SNAP23: variants seen among roughly 807,000 people sequenced by gnomAD.
SNAP23 encodes the protein synaptosomal-associated protein 23.
Under a neutral mutation model 29.0 loss-of-function variants are expected in SNAP23, and 11 were observed. That is an observed-to-expected ratio of 0.38 (90% CI 0.24 to 0.63). SNAP23 has a LOEUF of 0.63. Among genes scored for constraint, SNAP23 ranks in the 20% least tolerant of loss-of-function variants. The probability of loss-of-function intolerance (pLI) is 0.58; values close to 1 mark genes in which losing one functional copy is unlikely to be tolerated. For missense variants in SNAP23, 220 were observed against 253.9 expected (o/e 0.87, Z 0.91); for synonymous variants, 60 against 82.9 (o/e 0.72, Z 1.50).
rs1163801630 is a variant in SNAP23 at position 42,518,432 on chromosome 15, CT to C, written c.266+3096del. On this transcript the variant is annotated intron_variant, in intron 5 of 7. Transcript: ENST00000249647. Reference sequence around the variant, plus strand: ...TGGAAATACTTTTTCTTTTCTTTCTCTTTTTTTTTTTTTTTTTTCTCGAGAC... The same window carrying C: ...TGGAAATACTTTTTCTTTTCTTTCTCTTTTTTTTTTTTTTTTTCTCGAGAC... Among the ~76,000 whole-genome samples the C allele has an allele frequency of 6.1e-3, 783 of 128,650 alleles. 3 individuals are homozygous for C. The highest frequency in any genetic ancestry group is 0.024 in the African/African-American group (665 of 27,550). The allele number at this position is 128,650 out of a possible 152,430, so 84.4% of individuals were successfully genotyped here.
At chr15:42,509,181 G>C (rs1180688939) in intron 1 of SNAP23, among the ~76,000 whole-genome samples, 1 of 152,158 alleles carries the variant, frequency 6.6e-6, no homozygotes, top group African/African-American at 2.4e-5. Context: ...AAATAGGAAA[G>C]AGTGACAAAA....
chr15:42,517,006 A>AC (rs958845938), intron 5 of SNAP23, among the ~76,000 whole-genome samples: 3 of 150,758 alleles, frequency 2.0e-5, no homozygotes, highest in South Asian at 2.1e-4. Context: ...TGCAACTTCC[A>AC]CCTCACGGGT....
intron 5 of SNAP23, among the ~76,000 whole-genome samples, chr15:42,525,823 CTA>C (rs1566819739): frequency 6.6e-6 from 1 of 152,054 alleles, no homozygotes; most frequent in Non-Finnish European, 1.5e-5. Context: ...TGTTTATAGA[CTA>C]TGTTTCAATT....
chr15:42,498,390 C>T (rs891152002), intron 1 of SNAP23, among the ~76,000 whole-genome samples: 4 of 152,196 alleles, frequency 2.6e-5, no homozygotes, highest in Admixed American at 2.0e-4. Flanking sequence ...TTCTGTGCAC[C>T]TGCAGGCCCA....
intron 5 of SNAP23, among the ~76,000 whole-genome samples, chr15:42,525,955 G>T (rs972461983): frequency 1.3e-5 from 2 of 152,150 alleles, no homozygotes; most frequent in Non-Finnish European, 2.9e-5. Flanking sequence ...GCCTCTTAAT[G>T]TTGGGAAGGA....
At chr15:42,529,926 C>A in intron 7 of SNAP23, 107 bp downstream of exon 7, 1 of 1,201,946 alleles carries the variant, frequency 8.3e-7, no homozygotes. Flanking sequence ...AAGCTCCTGT[C>A]CTCATAGGTC....
At chr15:42,496,978 TC>T (rs2057224613) in intron 1 of SNAP23, among the ~76,000 whole-genome samples, 1 of 151,834 alleles carries the variant, frequency 6.6e-6, no homozygotes, top group Admixed American at 6.6e-5. Context: ...CTCACCAGAT[TC>T]GAGATGAGAT....
intron 5 of SNAP23, among the ~76,000 whole-genome samples, chr15:42,517,624 A>G (rs1245786001): frequency 6.6e-6 from 1 of 152,180 alleles, no homozygotes; most frequent in East Asian, 1.9e-4. Context: ...TTTCTTGAAG[A>G]CTGGTGGGAA....
intron 5 of SNAP23, among the ~76,000 whole-genome samples, chr15:42,522,830 C>G (rs1797156999): frequency 7.6e-6 from 1 of 131,362 alleles, no homozygotes. Flanking sequence ...CAGATTCTTA[C>G]TTAAAACTTG....
rs1162261731 is a variant in SNAP23, at chr15:42,513,701, ATG to A, written c.148+257_148+258del. ...ATGGCTTATTTTGTGTATTGGTTATATGTGCCTTAGACATTATGATAGTAACA... is the reference window on the plus strand; with the variant it reads ...ATGGCTTATTTTGTGTATTGGTTATATGCCTTAGACATTATGATAGTAACA... On this transcript the variant is annotated intron_variant, in intron 4 of 7. Coordinates refer to ENST00000249647, the MANE Select transcript of SNAP23 (RefSeq NM_003825.4). 1.3e-5 allele frequency among the ~76,000 whole-genome samples: 2 copies of A among 152,192 alleles called. 1 individual carries two copies. Among genetic ancestry groups the A allele is most frequent in the Admixed American group, 1.3e-4 (2 of 15,278 alleles).
Position 42,525,555 on chromosome 15 carries a change from C to T in SNAP23, c.267-2707C>T, listed in dbSNP as rs2057495140. Reference sequence around the variant, plus strand: ...CTGGGCTCACTGCAACCTCTGCCTCCCAGGTTCAAGTGATTCTTCTGCCTC... The same window carrying T: ...CTGGGCTCACTGCAACCTCTGCCTCTCAGGTTCAAGTGATTCTTCTGCCTC... On this transcript the variant is annotated intron_variant, in intron 5 of 7. Transcript: ENST00000249647. Among the ~76,000 whole-genome samples the T allele has an allele frequency of 2.9e-5, 4 of 140,232 alleles. 1 individual carries two copies. 92.0% of individuals were successfully genotyped at this position (140,232 alleles called of 152,430 possible). A position where few individuals can be genotyped will look rare whatever the true frequency, so the allele number is the denominator to read the frequency against.
At chr15:42,527,040 G>A (rs777302482) in intron 5 of SNAP23, among the ~76,000 whole-genome samples, 1 of 152,056 alleles carries the variant, frequency 6.6e-6, no homozygotes, top group African/African-American at 2.4e-5. Context: ...GTTTCACCAT[G>A]TTGCCCAGGC....
intron 1 of SNAP23, among the ~76,000 whole-genome samples, chr15:42,503,614 CCCT>C (rs1484151604): frequency 6.6e-6 from 1 of 152,118 alleles, no homozygotes; most frequent in Non-Finnish European, 1.5e-5. Flanking sequence ...AAGTGATCTG[CCCT>C]CCTCAGCCTC....
chr15:42,509,326 T>A (rs927566800), intron 1 of SNAP23, among the ~76,000 whole-genome samples: 11 of 152,118 alleles, frequency 7.2e-5, no homozygotes, highest in Admixed American at 5.9e-4. Context: ...TATATCTTAG[T>A]GTGGAAACTT....
chr15:42,493,807 C>G (rs2057193185), upstream of SNAP23, among the ~76,000 whole-genome samples: 1 of 152,116 alleles, frequency 6.6e-6, no homozygotes, highest in Non-Finnish European at 1.5e-5. Flanking sequence ...CAGAAGATGA[C>G]CCCATCTTCA....
chr15:42,506,075 A>T (rs1216031027), intron 1 of SNAP23, among the ~76,000 whole-genome samples: 2 of 149,768 alleles, frequency 1.3e-5, no homozygotes, highest in Non-Finnish European at 3.0e-5. Context: ...CCTCCCGAGT[A>T]GCTGGGACTA....
At chr15:42,494,141 A>G (rs117333816), upstream of SNAP23, among the ~76,000 whole-genome samples, 126 of 152,194 alleles carry the variant, frequency 8.3e-4, 2 homozygotes, top group East Asian at 0.023. Context: ...AAAACAAAAA[A>G]TCTTGATCCT....
intron 1 of SNAP23, among the ~76,000 whole-genome samples, chr15:42,508,597 C>A (rs777404844): frequency 6.6e-6 from 1 of 152,186 alleles, no homozygotes; most frequent in Non-Finnish European, 1.5e-5. Flanking sequence ...ATGTGTCCTT[C>A]AGAATGACCT....
intron 5 of SNAP23, among the ~76,000 whole-genome samples, chr15:42,519,366 C>CTTTTT: frequency 6.8e-6 from 1 of 146,776 alleles, no homozygotes; most frequent in East Asian, 2.0e-4. Context: ...TGTTTCTTTT[C>CTTTTT]TTTTCTTTTT....
Sources: gnomAD v4.1 joint callset for allele counts (sites outside exome capture counted in the v4.1 genomes callset) on GRCh38, gnomAD v4.1.1 for gene constraint, MANE v1.5 for transcripts, NCBI Gene and HGNC (gene_info 2026-07-23, HGNC 2026-07-21) for gene names.